The following RASAL2 variants were observed in gnomAD, a reference collection of about 807,000 sequenced individuals.
RASAL2 encodes RAS protein activator like 2, also known as ras GTPase-activating protein nGAP.
RASAL2 carries 58 observed loss-of-function variants against 128.9 expected under a neutral mutation model. The observed-to-expected ratio is 0.45, with a 90% CI of 0.36 to 0.56. The LOEUF is 0.56. RASAL2 is among the 20% of genes least tolerant of loss of function. The pLI is 0.00. For missense variants in RASAL2, 1,360 were observed against 1,601.6 expected, an observed-to-expected ratio of 0.85 and a Z score of 2.57; for synonymous variants, 561 against 580.8, an observed-to-expected ratio of 0.97 and a Z score of 0.49.
intron 3 of RASAL2, among the ~76,000 whole-genome samples, chr1:178,320,338 G>A (rs528737295): frequency 1.3e-4 from 20 of 152,308 alleles, no homozygotes; most frequent in African/African-American, 2.6e-4. Flanking sequence ...CGAGCTTCCC[G>A]GCTGCTTTGT....
chr1:178,105,683 GTTC>G (rs1462821723), intron 1 of RASAL2, among the ~76,000 whole-genome samples: 4 of 150,448 alleles, frequency 2.7e-5, no homozygotes, highest in Admixed American at 6.6e-5. Context: ...GTTTTTTGGG[GTTC>G]TTTTTTTTTT....
At chr1:178,384,009 T>C (rs1226173338) in intron 3 of RASAL2, among the ~76,000 whole-genome samples, 1 of 152,242 alleles carries the variant, frequency 6.6e-6, no homozygotes, top group African/African-American at 2.4e-5. Flanking sequence ...AAAAAGGCTT[T>C]TGAAGTAAAC....
At chr1:178,153,948 G>C (rs150214932) in intron 1 of RASAL2, among the ~76,000 whole-genome samples, 5,763 of 152,130 alleles carry the variant, frequency 0.038, 366 homozygotes, top group African/African-American at 0.13. Context: ...CGAGTCTCCT[G>C]CCTCAGCCTC....
intron 1 of RASAL2, among the ~76,000 whole-genome samples, chr1:178,242,646 G>C (rs1664568398): frequency 6.6e-6 from 1 of 151,976 alleles, no homozygotes; most frequent in Admixed American, 6.6e-5. Flanking sequence ...CCAAATTTAG[G>C]AAGTTTTCAC....
chr1:178,429,240 C>G lies in RASAL2; in HGVS notation c.674+8620C>G, dbSNP rs561693137. Reference sequence around the variant, plus strand: ...TCCACAAATCTTTTGCCCTAACAACCTCTAGGACTACAGGCTTATCCAAAA... The same window carrying G: ...TCCACAAATCTTTTGCCCTAACAACGTCTAGGACTACAGGCTTATCCAAAA... On this transcript the variant is annotated intron_variant, in intron 5 of 17. Coordinates refer to ENST00000367649, the MANE Select transcript of RASAL2 (RefSeq NM_170692.4). 2.0e-4 allele frequency among the ~76,000 whole-genome samples: 31 copies of G among 152,210 alleles called. No homozygotes were observed. The South Asian group carries it at 6.4e-3, about 32-fold the overall frequency.
intron 14 of RASAL2, among the ~76,000 whole-genome samples, chr1:178,463,074 A>T (rs1318925698): frequency 6.6e-6 from 1 of 152,156 alleles, no homozygotes; most frequent in Non-Finnish European, 1.5e-5. Context: ...ATATTTATTT[A>T]GAGTTTAACT....
intron 1 of RASAL2, among the ~76,000 whole-genome samples, chr1:178,169,609 GT>G (rs1464972819): frequency 6.6e-6 from 1 of 151,920 alleles, no homozygotes; most frequent in African/African-American, 2.4e-5. Context: ...CTTGTGTCAC[GT>G]TTATTAATTG....
At chr1:178,155,061 G>C (rs150952286) in intron 1 of RASAL2, among the ~76,000 whole-genome samples, 1 of 151,970 alleles carries the variant, frequency 6.6e-6, no homozygotes, top group Non-Finnish European at 1.5e-5. Flanking sequence ...GACCTCAGAC[G>C]ATCCACCCGC....
intron 1 of RASAL2, among the ~76,000 whole-genome samples, chr1:178,099,270 A>G (rs1003722686): frequency 6.6e-6 from 1 of 152,224 alleles, no homozygotes; most frequent in African/African-American, 2.4e-5. Context: ...CTTAAGCTTG[A>G]GTTCAATACT....
intron 1 of RASAL2, among the ~76,000 whole-genome samples, chr1:178,179,019 G>T (rs976348550): frequency 6.6e-6 from 1 of 152,086 alleles, no homozygotes; most frequent in Non-Finnish European, 1.5e-5. Flanking sequence ...AATTTTGCTA[G>T]GTGTTTTACT....
chr1:178,154,620 C>A (rs890865533), intron 1 of RASAL2, among the ~76,000 whole-genome samples: 3 of 152,118 alleles, frequency 2.0e-5, no homozygotes, highest in Non-Finnish European at 4.4e-5. Context: ...GATATTAAAT[C>A]TGTTGTTTTA....
intron 3 of RASAL2, among the ~76,000 whole-genome samples, chr1:178,343,124 T>C (rs1162620075): frequency 6.6e-6 from 1 of 152,218 alleles, no homozygotes; most frequent in Non-Finnish European, 1.5e-5. Context: ...GATTTGGCTA[T>C]AAGCACAGTA....
At chr1:178,267,346 A>G (rs567799249) in intron 1 of RASAL2, among the ~76,000 whole-genome samples, 3 of 152,240 alleles carry the variant, frequency 2.0e-5, no homozygotes, top group African/African-American at 7.2e-5. Context: ...GGATTTAGCT[A>G]TCACATAAAA....
chr1:178,283,580 C>T lies in RASAL2; in HGVS notation c.219C>T (p.Pro73=), dbSNP rs577021348. 16 of 1,612,968 alleles carry T rather than the reference C, an allele frequency of 9.9e-6. No homozygotes were observed. The South Asian group carries it at 1.5e-4, about 16-fold the overall frequency. Residue 73 remains proline (P), a synonymous_variant, in exon 2 of 18, where the codon CCC becomes CCT. Transcript: ENST00000367649. ...CTCATGCAGATGTGAAAGGACCACC[C>T]ACCCACCGTCTGTCTTGTGGTCAGT... ...WVRVYDVKGP[P]THRLSCGQSP...
chr1:178,236,903 A>G (rs1038578190), intron 1 of RASAL2, among the ~76,000 whole-genome samples: 1 of 151,648 alleles, frequency 6.6e-6, no homozygotes, highest in Non-Finnish European at 1.5e-5. Context: ...AGCTGGGATT[A>G]CGGGTGCACA....
chr1:178,124,641 GA>G (rs1052917231), intron 1 of RASAL2, among the ~76,000 whole-genome samples: 12 of 152,068 alleles, frequency 7.9e-5, no homozygotes, highest in African/African-American at 2.9e-4. Flanking sequence ...AAGATATTTT[GA>G]TTAAACCTAA....
intron 3 of RASAL2, among the ~76,000 whole-genome samples, chr1:178,380,656 A>G (rs1204916114): frequency 6.6e-6 from 1 of 152,172 alleles, no homozygotes; most frequent in Non-Finnish European, 1.5e-5. Flanking sequence ...ATTATTTATT[A>G]TCTTTTATTC....
At chr1:178,299,846 C>T (rs1667684452) in intron 2 of RASAL2, 146 bp from the exon 3 acceptor site, 8 of 770,046 alleles carry the variant, frequency 1.0e-5, no homozygotes, top group Non-Finnish European at 1.6e-5. Context: ...TAATACCTTA[C>T]CATTGTATAT....
At chr1:178,253,671 G>A (rs1571712631) in intron 1 of RASAL2, among the ~76,000 whole-genome samples, 1 of 152,138 alleles carries the variant, frequency 6.6e-6, no homozygotes, top group Non-Finnish European at 1.5e-5. Context: ...GTTCTCTGGC[G>A]GGCATGGGTG....
Sources: gnomAD v4.1 joint callset for allele counts (sites outside exome capture counted in the v4.1 genomes callset) on GRCh38, gnomAD v4.1.1 for gene constraint, MANE v1.5 for transcripts, NCBI Gene and HGNC (gene_info 2026-07-23, HGNC 2026-07-21) for gene names.